PCGF3: variants seen among roughly 807,000 people sequenced by gnomAD.
PCGF3 encodes polycomb group RING finger protein 3.
Under a neutral mutation model 33.1 loss-of-function variants are expected in PCGF3, and 7 were observed. The observed-to-expected ratio is 0.21, with a 90% CI of 0.12 to 0.40. The LOEUF (loss-of-function observed/expected upper bound fraction) is 0.40, where lower values mean the gene tolerates loss of function less well. PCGF3 is among the 10% of genes least tolerant of loss of function. PCGF3 has a pLI of 1.00. For missense variants in PCGF3, 211 were observed against 313.3 expected, an observed-to-expected ratio of 0.67 and a Z score of 2.46; for synonymous variants, 153 against 121.3, an observed-to-expected ratio of 1.26 and a Z score of -1.72.
exon 10 of PCGF3, chr4:764,993 T>C: frequency 6.2e-7 from 1 of 1,613,704 alleles, no homozygotes; most frequent in Non-Finnish European, 8.5e-7. Flanking sequence ...GCTGGACATT[T>C]TATGCAACGA....
rs1251910980 is a variant in PCGF3 at position 721,700 on chromosome 4, G to A, written c.-189-8930G>A. ...GTGGCTCTGCGTGTGGGTGTGGAGAGAGGCCTGTGGGAGACGGATGGATGG... is the reference window on the plus strand; with the variant it reads ...GTGGCTCTGCGTGTGGGTGTGGAGAAAGGCCTGTGGGAGACGGATGGATGG... On this transcript the variant is annotated intron_variant, in intron 1 of 10. Coordinates refer to ENST00000362003, the Ensembl canonical transcript of PCGF3. This position sits in a 1 kb window ranked among gnomAD's most constrained non-coding sequence, Gnocchi z 4.1. 6.6e-6 allele frequency among the ~76,000 whole-genome samples: 1 copy of A among 152,138 alleles called. No homozygotes were observed. The highest frequency in any genetic ancestry group is 1.5e-5 in the Non-Finnish European group (1 of 68,012).
rs144085189 is a variant in PCGF3, at chr4:724,787, G to T, written c.-189-5843G>T. On this transcript the variant is annotated intron_variant, in intron 1 of 10. Coordinates refer to ENST00000362003, the Ensembl canonical transcript of PCGF3. ...CACTCCAGCCTGGGCGACAGAGCGAGATTCCGTCTCACACACACACACAAA... is the reference window on the plus strand; with the variant it reads ...CACTCCAGCCTGGGCGACAGAGCGATATTCCGTCTCACACACACACACAAA... Among the ~76,000 whole-genome samples, 1,211 of 151,954 alleles carry T rather than the reference G, an allele frequency of 8.0e-3. 18 individuals carry two copies. Among genetic ancestry groups the T allele is most frequent in the African/African-American group, 0.027 (1,132 of 41,408 alleles).
At position 711,454 on chromosome 4, in the gene PCGF3, C is replaced by CT. The variant is rs1248598317; in HGVS notation, c.-190+5498dup. On this transcript the variant is annotated intron_variant, in intron 1 of 10. Coordinates refer to ENST00000362003, the Ensembl canonical transcript of PCGF3. ...AAAATGTAATTTTTCTTTTTTTTTTCTTTTTTTTTTTTTTGAGACGGAGTC... is the reference window on the plus strand; with the variant it reads ...AAAATGTAATTTTTCTTTTTTTTTTCTTTTTTTTTTTTTTTGAGACGGAGTC... 2.3e-3 allele frequency among the ~76,000 whole-genome samples: 194 copies of CT among 82,854 alleles called. 1 individual carries two copies. Among genetic ancestry groups the CT allele is most frequent in the Admixed American group, 4.5e-3 (36 of 8,086 alleles). 54.4% of individuals were successfully genotyped at this position (82,854 alleles called of 152,430 possible).
At chr4:751,778 G>C (rs562515277) in intron 8 of PCGF3, among the ~76,000 whole-genome samples, 1 of 152,362 alleles carries the variant, frequency 6.6e-6, no homozygotes, top group South Asian at 2.1e-4. Flanking sequence ...CTGGGCTCCA[G>C]CTCTAGGTTT....
intron 1 of PCGF3, among the ~76,000 whole-genome samples, chr4:722,086 T>C (rs1455908561): frequency 3.3e-5 from 5 of 152,118 alleles, no homozygotes; most frequent in Admixed American, 6.5e-5. Context: ...CGTGGGACGG[T>C]GTCTGTGTGA....
chr4:735,070 C>T (rs1334020762), intron 5 of PCGF3, 43 bp downstream of exon 5: 1 of 1,586,124 alleles, frequency 6.3e-7, no homozygotes, highest in Non-Finnish European at 8.6e-7. Context: ...GGGGTGAGTG[C>T]CCCTGGGCGT....
chr4:731,068 C>T (rs575134838), exon 3 of PCGF3: 1 of 398,638 alleles, frequency 2.5e-6, no homozygotes, highest in South Asian at 1.3e-4. Flanking sequence ...CCTGAAGCCT[C>T]CATGCCCCGG....
chr4:709,159 G>A (rs1383276877), intron 1 of PCGF3, among the ~76,000 whole-genome samples: 1 of 152,208 alleles, frequency 6.6e-6, no homozygotes, highest in East Asian at 1.9e-4. Context: ...CCCAGAGGGT[G>A]CCGTGTGGCT....
chr4:741,168 A>T (rs937473862), intron 6 of PCGF3, among the ~76,000 whole-genome samples: 7 of 152,214 alleles, frequency 4.6e-5, no homozygotes, highest in Non-Finnish European at 7.3e-5. Flanking sequence ...GTATTTAGAC[A>T]CCAGCAATAT....
intron 1 of PCGF3, among the ~76,000 whole-genome samples, chr4:711,519 G>C (rs1321277241): frequency 7.0e-6 from 1 of 142,148 alleles, no homozygotes; most frequent in Middle Eastern, 3.5e-3. Context: ...CTGCAGTGGC[G>C]CAATCTCGGC....
chr4:719,347 G>A (rs542018230), intron 1 of PCGF3, among the ~76,000 whole-genome samples: 4 of 152,356 alleles, frequency 2.6e-5, no homozygotes, highest in South Asian at 2.1e-4. Context: ...CGTCTCCAGC[G>A]GGAAGGAACA....
intron 1 of PCGF3, among the ~76,000 whole-genome samples, chr4:723,468 A>G (rs1174932149): frequency 6.6e-6 from 1 of 152,164 alleles, no homozygotes; most frequent in Admixed American, 6.5e-5. Flanking sequence ...AGGGCAGACC[A>G]GAGGAGGGGG....
chr4:723,440 G>T (rs1743199616), intron 1 of PCGF3, among the ~76,000 whole-genome samples: 2 of 152,204 alleles, frequency 1.3e-5, no homozygotes, highest in Admixed American at 1.3e-4. Flanking sequence ...CCAGAGTGGG[G>T]TGCCCAGAGG....
intron 1 of PCGF3, among the ~76,000 whole-genome samples, chr4:710,722 C>T (rs1354558466): frequency 6.6e-6 from 1 of 152,168 alleles, no homozygotes; most frequent in African/African-American, 2.4e-5. Context: ...TGCAATTTGG[C>T]ATACCAGTAG....
At chr4:709,487 A>G (rs1742473737) in intron 1 of PCGF3, among the ~76,000 whole-genome samples, 1 of 152,206 alleles carries the variant, frequency 6.6e-6, no homozygotes, top group South Asian at 2.1e-4. Context: ...GCAAGCGTGA[A>G]TGATCCATGA....
intron 6 of PCGF3, among the ~76,000 whole-genome samples, chr4:738,588 G>A (rs1032503271): frequency 6.6e-6 from 1 of 151,592 alleles, no homozygotes. Flanking sequence ...AGTGGCTCAC[G>A]CCTGTAATCC....
At chr4:734,176 C>T in intron 4 of PCGF3, 2 of 1,538,164 alleles carry the variant, frequency 1.3e-6, no homozygotes, top group Non-Finnish European at 1.8e-6. Context: ...CGTCCTCACA[C>T]CTGATGAGTC....
At chr4:715,920 T>C (rs1201778131) in intron 1 of PCGF3, among the ~76,000 whole-genome samples, 3 of 125,838 alleles carry the variant, frequency 2.4e-5, no homozygotes, top group Non-Finnish European at 3.4e-5. Flanking sequence ...GCGTCGGTGC[T>C]GGGACCCTGT....
In PCGF3 at chr4:734,185, T is replaced by C. The variant is rs1177968551; in HGVS notation, c.109+396T>C. The C allele has an allele frequency of 1.9e-6, 3 of 1,541,626 alleles. No individual in the cohort carries two copies. The Middle Eastern group carries it at 5.1e-4, about 260-fold the overall frequency. ...GATGTGCGTCCTCACACCTGATGAG[T>C]CTGTGCTTTGGTGTTAGAGGACTCA... On this transcript the variant is annotated intron_variant, in intron 4 of 10. Coordinates refer to ENST00000362003, the Ensembl canonical transcript of PCGF3.
Sources: gnomAD v4.1 joint callset for allele counts (sites outside exome capture counted in the v4.1 genomes callset) on GRCh38, gnomAD v4.1.1 for gene constraint, Gnocchi (gnomAD v3.1) non-coding constraint, MANE v1.5 for transcripts, NCBI Gene and HGNC (gene_info 2026-07-23, HGNC 2026-07-21) for gene names.